Variants in RUVBL1 observed in about 807,000 individuals in gnomAD.
The protein encoded by RUVBL1 is RuvB like AAA ATPase 1.
RUVBL1 carries 4 observed loss-of-function variants against 52.4 expected under a neutral mutation model. The ratio of observed to expected loss-of-function variants is 0.08; its 90% CI spans 0.04 to 0.17. The LOEUF is 0.17. Among genes scored for constraint, RUVBL1 ranks in the 10% least tolerant of loss-of-function variants. RUVBL1 has a pLI of 1.00. For synonymous variants in RUVBL1, 217 were observed against 214.4 expected, an observed-to-expected ratio of 1.01 and a Z score of -0.10; for missense variants, 298 against 572.8, an observed-to-expected ratio of 0.52 and a Z score of 4.90.
In RUVBL1 at chr3:128,067,001, G is replaced by A. The variant is rs765370914; in HGVS notation, c.940-1781C>T. ...TCAAGTCGGCCCGCTACCGTGGCCA[G>A]TACAACACCTATCCCATCAAGCTCT... On this transcript the variant is annotated intron_variant, in intron 9 of 9. Transcript: ENST00000464873. The surrounding 1 kb of genome is among the most constrained non-coding windows in gnomAD (Gnocchi z 4.1). 58 of 1,614,110 alleles carry A rather than the reference G, an allele frequency of 3.6e-5. No homozygotes were observed. Among genetic ancestry groups the A allele is most frequent in the Non-Finnish European group, 4.8e-5 (57 of 1,180,048 alleles).
intron 4 of RUVBL1, among the ~76,000 whole-genome samples, chr3:128,104,326 A>G (rs1943174558): frequency 6.6e-6 from 1 of 152,238 alleles, no homozygotes; most frequent in Non-Finnish European, 1.5e-5. Flanking sequence ...AGGATTCTGC[A>G]TGTGGCCCCT....
At chr3:128,138,465 A>G (rs370689448) in intron 1 of RUVBL1, among the ~76,000 whole-genome samples, 42 of 152,256 alleles carry the variant, frequency 2.8e-4, no homozygotes, top group East Asian at 1.3e-3. Flanking sequence ...TGCAATATCT[A>G]CAAATACAAT....
At chr3:128,095,651 G>T (rs977229146) in intron 8 of RUVBL1, among the ~76,000 whole-genome samples, 17 of 152,346 alleles carry the variant, frequency 1.1e-4, no homozygotes, top group African/African-American at 3.6e-4. Context: ...GCCTGAGGGG[G>T]AAGGGCTGTT....
Position 128,100,661 on chromosome 3 carries a change from G to A in RUVBL1, c.687C>T (p.His229=), listed in dbSNP as rs778413732. Residue 229 remains histidine (H), a synonymous_variant, in exon 6 of 11, where the codon CAC becomes CAT. Transcript: ENST00000322623. ...CATCTTGGATGATTTCTTTCTTTTTGTGCACATCCCCTTTTGGCAAGGGGA... is the reference window on the plus strand; with the variant it reads ...CATCTTGGATGATTTCTTTCTTTTTATGCACATCCCCTTTTGGCAAGGGGA... The part of the protein sequence containing the change: ...EYVPLPKGDV[H]KKKEIIQDVT... 5 of 1,613,256 alleles carry A rather than the reference G, an allele frequency of 3.1e-6. No homozygotes were observed. Among genetic ancestry groups the A allele is most frequent in the Non-Finnish European group, 4.2e-6 (5 of 1,179,826 alleles).
intron 8 of RUVBL1, among the ~76,000 whole-genome samples, chr3:128,096,367 A>G (rs1942969471): frequency 6.6e-6 from 1 of 152,236 alleles, no homozygotes. Context: ...ACCGCAGGAA[A>G]GTTCCTGGCC....
chr3:128,117,616 GT>G (rs772377287), intron 2 of RUVBL1, among the ~76,000 whole-genome samples: 99 of 140,650 alleles, frequency 7.0e-4, no homozygotes, highest in African/African-American at 8.3e-4. Flanking sequence ...CAGTTTTTTT[GT>G]TTTTTTTTTT....
intron 2 of RUVBL1, among the ~76,000 whole-genome samples, chr3:128,114,165 T>A (rs1002268167): frequency 6.6e-6 from 1 of 152,236 alleles, no homozygotes; most frequent in African/African-American, 2.4e-5. Context: ...GGCCTCTAAA[T>A]GCCATTTTCA....
At chr3:128,115,143 AT>A (rs1324142836) in intron 2 of RUVBL1, among the ~76,000 whole-genome samples, 1 of 152,192 alleles carries the variant, frequency 6.6e-6, no homozygotes, top group African/African-American at 2.4e-5. Flanking sequence ...CAACTAGCCT[AT>A]GACCTTGATC....
Position 128,093,117 on chromosome 3 carries a change from G to A in RUVBL1, c.1016+4183C>T, listed in dbSNP as rs566352502. On this transcript the variant is annotated intron_variant, in intron 8 of 10. Coordinates refer to ENST00000322623, the MANE Select transcript of RUVBL1 (RefSeq NM_003707.3). ...AACAACCCAATGTCCATCAACTAAT[G>A]AATGGTTAAATAAGATACACTATTA... Among the ~76,000 whole-genome samples, 10 of 152,268 alleles carry A rather than the reference G, an allele frequency of 6.6e-5. 1 individual carries two copies. The South Asian group carries it at 2.1e-3, about 32-fold the overall frequency.
At position 128,101,650 on chromosome 3, in the gene RUVBL1, TA is replaced by T. The variant is rs111737766; in HGVS notation, c.514-3del. ...ACTTTCAAAAATGCTGGGGTCCAGCTAAAAAAAAAAATGTAAATCAGAAGTG... is the reference window on the plus strand; with the variant it reads ...ACTTTCAAAAATGCTGGGGTCCAGCTAAAAAAAAAATGTAAATCAGAAGTG... On this transcript the variant is annotated splice_polypyrimidine_tract_variant and splice_region_variant and intron_variant, in intron 4 of 10. Coordinates refer to ENST00000322623, the MANE Select transcript of RUVBL1 (RefSeq NM_003707.3). 0.036 allele frequency: 35,700 copies of T among 991,730 alleles called. No individual in the cohort carries two copies. Among genetic ancestry groups the T allele is most frequent in the South Asian group, 0.055 (2,399 of 43,530 alleles). The allele number at this position is 991,730 out of a possible 1,614,324, so 61.4% of individuals were successfully genotyped here.
intron 9 of RUVBL1, chr3:128,068,163 T>A: frequency 1.2e-6 from 1 of 810,014 alleles, no homozygotes; most frequent in Non-Finnish European, 2.1e-6. Flanking sequence ...GGTCACTAAA[T>A]CTTATCCTTG....
intron 9 of RUVBL1, among the ~76,000 whole-genome samples, chr3:128,075,524 C>T (rs1187036050): frequency 6.6e-6 from 1 of 152,210 alleles, no homozygotes; most frequent in Non-Finnish European, 1.5e-5. Context: ...ACTGCTCCTT[C>T]CCCGCATGCA....
At chr3:128,077,905 C>G (rs371829147), downstream of RUVBL1, among the ~76,000 whole-genome samples, 6 of 152,344 alleles carry the variant, frequency 3.9e-5, no homozygotes, top group South Asian at 1.2e-3. Context: ...GTACCTGATA[C>G]AGCTACATGT....
intron 9 of RUVBL1, chr3:128,070,857 C>T (rs984285939): frequency 1.3e-5 from 2 of 152,338 alleles, no homozygotes; most frequent in Non-Finnish European, 2.9e-5. Context: ...AGCACCCTCT[C>T]TCTGGCCTTT....
intron 8 of RUVBL1, among the ~76,000 whole-genome samples, chr3:128,088,841 G>A (rs887032544): frequency 3.9e-4 from 60 of 152,044 alleles, no homozygotes; most frequent in Non-Finnish European, 6.6e-4. Flanking sequence ...CCAAATTGTT[G>A]AGCATTTAGG....
upstream of RUVBL1, among the ~76,000 whole-genome samples, chr3:128,124,616 C>A (rs191066374): frequency 2.7e-4 from 41 of 152,310 alleles, no homozygotes; most frequent in Admixed American, 2.5e-3. Context: ...TCCATCCATC[C>A]ATCCGTTCAA....
chr3:128,118,769 G>A (rs1009618387), intron 2 of RUVBL1, among the ~76,000 whole-genome samples: 2 of 152,174 alleles, frequency 1.3e-5, no homozygotes, highest in African/African-American at 2.4e-5. Flanking sequence ...AATTCCAGCT[G>A]CATTTAATAT....
At chr3:128,066,935 G>A in intron 9 of RUVBL1, 1 of 1,613,924 alleles carries the variant, frequency 6.2e-7, no homozygotes. Context: ...AGGGGATTTG[G>A]TTCTGTTTGG....
chr3:128,112,154 G>T (rs1013581967), intron 3 of RUVBL1, among the ~76,000 whole-genome samples: 1 of 152,202 alleles, frequency 6.6e-6, no homozygotes, highest in Non-Finnish European at 1.5e-5. Flanking sequence ...TGCCCCAGAA[G>T]TCCTAGCTAG....
Sources: gnomAD v4.1 joint callset for allele counts (sites outside exome capture counted in the v4.1 genomes callset) on GRCh38, gnomAD v4.1.1 for gene constraint, Gnocchi (gnomAD v3.1) non-coding constraint, MANE v1.5 for transcripts, NCBI Gene and HGNC (gene_info 2026-07-23, HGNC 2026-07-21) for gene names.